Variants in SDC2 observed in about 807,000 individuals in gnomAD.
The protein encoded by SDC2 is syndecan 2, also known as syndecan-2.
A neutral mutation model predicts 22.2 loss-of-function variants in SDC2; 13 were observed. That is an observed-to-expected ratio of 0.59 (90% confidence interval 0.38 to 0.93). The LOEUF is 0.93. Ranked by LOEUF, SDC2 falls within the 40% of genes least tolerant of loss-of-function variation. The pLI is 0.00. For missense variants in SDC2, 235 were observed against 246.8 expected (o/e 0.95, Z 0.32); for synonymous variants, 94 against 92.8 (o/e 1.01, Z -0.07).
At chr8:96,503,564 A>C (rs950033436) in intron 1 of SDC2, among the ~76,000 whole-genome samples, 10 of 152,226 alleles carry the variant, frequency 6.6e-5, no homozygotes, top group Admixed American at 5.9e-4. Context: ...ATACAGGTAA[A>C]ACTAGGAAAA....
At position 96,602,536 on chromosome 8, in the gene SDC2, C is replaced by T. The variant is rs759909091; in HGVS notation, c.306+8C>T. ...ATACCTGCTCAGACAAAGGTGCGTTCTATTTTCCATTGCATTGCATTATCA... is the reference window on the plus strand; with the variant it reads ...ATACCTGCTCAGACAAAGGTGCGTTTTATTTTCCATTGCATTGCATTATCA... On this transcript the variant is annotated splice_region_variant and intron_variant, in intron 3 of 4. Transcript: ENST00000302190. The T allele has an allele frequency of 6.9e-5, 112 of 1,613,764 alleles. No individual in the cohort carries two copies. Among genetic ancestry groups the T allele is most frequent in the Non-Finnish European group, 8.8e-5 (104 of 1,179,848 alleles).
intron 1 of SDC2, among the ~76,000 whole-genome samples, chr8:96,512,635 G>A (rs895420130): frequency 1.3e-5 from 2 of 152,054 alleles, no homozygotes; most frequent in African/African-American, 4.8e-5. Context: ...AGATGTGGGG[G>A]CATTGGGGGC....
At chr8:96,591,878 C>A (rs1378083997) in intron 1 of SDC2, among the ~76,000 whole-genome samples, 1 of 152,032 alleles carries the variant, frequency 6.6e-6, no homozygotes. Context: ...GGAAGCCTTG[C>A]CTTTAAAGGA....
rs1248994373 is a variant in SDC2 at position 96,509,502 on chromosome 8, A to G, written c.60+15171A>G. 2.8e-5 allele frequency among the ~76,000 whole-genome samples: 4 copies of G among 141,614 alleles called. 1 individual carries two copies. Among genetic ancestry groups the G allele is most frequent in the East Asian group, 2.0e-4 (1 of 5,118 alleles). 92.9% of individuals were successfully genotyped at this position (141,614 alleles called of 152,430 possible). On this transcript the variant is annotated intron_variant, in intron 1 of 4. Coordinates refer to ENST00000302190, the MANE Select transcript of SDC2 (RefSeq NM_002998.4). ...AAGGAGGAGGCATTTTGGTTTCTCT[A>G]GGTTTTCCATCTGGGTAGTGGAGGG...
Position 96,553,772 on chromosome 8 carries a change from ATT to A in SDC2, c.61-39698_61-39697del, listed in dbSNP as rs5893392. On this transcript the variant is annotated intron_variant, in intron 1 of 4. Transcript: ENST00000302190. ...GTTTATTTACGATTTTTATTTAAAG[ATT>A]TTTTTTTTTGTTTTGGAGACAGGAT... Among the ~76,000 whole-genome samples the A allele has an allele frequency of 1.1e-4, 16 of 149,406 alleles. No individual in the cohort carries two copies. The South Asian group carries it at 3.2e-3, about 30-fold the overall frequency.
At position 96,610,964 on chromosome 8, in the gene SDC2, A is replaced by G. The variant is rs1815165315; in HGVS notation, c.*1416A>G. 1 of 152,692 alleles carries G rather than the reference A, an allele frequency of 6.5e-6. No individual in the cohort carries two copies. The highest frequency in any genetic ancestry group is 6.5e-5 in the Admixed American group (1 of 15,288). The allele number at this position is 152,692 out of a possible 1,614,324, so 9.5% of individuals were successfully genotyped here. A position where few individuals can be genotyped will look rare whatever the true frequency, so the allele number is the denominator to read the frequency against. ...CGCCTGCTTTTGCAAATAACTTACA[A>G]GACTGTAAATTCCAAAGATCTGAAT... On this transcript the variant is annotated 3_prime_UTR_variant, in exon 5 of 5. Transcript: ENST00000302190.
chr8:96,545,846 G>A (rs550959554), intron 1 of SDC2, among the ~76,000 whole-genome samples: 1 of 152,324 alleles, frequency 6.6e-6, no homozygotes, highest in Non-Finnish European at 1.5e-5. Flanking sequence ...CTGCTGACAA[G>A]GCAGCAGGGA....
At chr8:96,515,224 T>C (rs904533174) in intron 1 of SDC2, among the ~76,000 whole-genome samples, 4 of 152,220 alleles carry the variant, frequency 2.6e-5, no homozygotes, top group Non-Finnish European at 5.9e-5. Context: ...CCCCCTACTT[T>C]CTACTTACTG....
intron 1 of SDC2, among the ~76,000 whole-genome samples, chr8:96,590,526 T>G (rs932335691): frequency 6.6e-6 from 1 of 152,218 alleles, no homozygotes; most frequent in African/African-American, 2.4e-5. Context: ...CAAGGGAATA[T>G]TGGTGCATAA....
intron 1 of SDC2, among the ~76,000 whole-genome samples, chr8:96,516,598 T>G (rs1326709880): frequency 2.6e-5 from 4 of 152,152 alleles, no homozygotes; most frequent in Non-Finnish European, 1.5e-5. Flanking sequence ...TCCACTCACT[T>G]CAAGGCCTAG....
At chr8:96,577,192 T>C (rs993765052) in intron 1 of SDC2, among the ~76,000 whole-genome samples, 5 of 152,216 alleles carry the variant, frequency 3.3e-5, no homozygotes, top group African/African-American at 1.2e-4. Flanking sequence ...TACTTATAAC[T>C]TCCAGAAGTC....
At chr8:96,524,753 A>G (rs532084657) in intron 1 of SDC2, among the ~76,000 whole-genome samples, 1 of 152,248 alleles carries the variant, frequency 6.6e-6, no homozygotes, top group South Asian at 2.1e-4. Context: ...CCTTTCCAAT[A>G]CAAGTCAGAG....
chr8:96,505,168 A>G (rs1018493904), intron 1 of SDC2, among the ~76,000 whole-genome samples: 4 of 152,234 alleles, frequency 2.6e-5, no homozygotes, highest in African/African-American at 9.6e-5. Flanking sequence ...CCTGTCACCC[A>G]TATTTCCTGA....
chr8:96,575,073 T>G (rs771714292), intron 1 of SDC2, among the ~76,000 whole-genome samples: 13 of 152,186 alleles, frequency 8.5e-5, no homozygotes, highest in Non-Finnish European at 1.8e-4. Flanking sequence ...TAATGCTCAC[T>G]GGCGGCTCAC....
chr8:96,550,693 G>A (rs1056630690), intron 1 of SDC2, among the ~76,000 whole-genome samples: 1 of 152,110 alleles, frequency 6.6e-6, no homozygotes, highest in African/African-American at 2.4e-5. Context: ...TGCTGTATAG[G>A]CAGATTTCAT....
In SDC2 at chr8:96,611,736, A is replaced by C. The variant is rs1815179057; in HGVS notation, c.*2188A>C. 1 of 152,668 alleles carries C rather than the reference A, an allele frequency of 6.6e-6. No individual in the cohort carries two copies. The highest frequency in any genetic ancestry group is 2.4e-5 in the African/African-American group (1 of 41,462). 9.5% of individuals were successfully genotyped at this position (152,668 alleles called of 1,614,324 possible). On this transcript the variant is annotated 3_prime_UTR_variant, in exon 5 of 5. Coordinates refer to ENST00000302190, the MANE Select transcript of SDC2 (RefSeq NM_002998.4). ...ACTGCTGTAAAGCAAAATATTTGTG[A>C]AAGTGCCAAAATAAAGTCTGTCATG...
At chr8:96,494,405 G>A in intron 1 of SDC2, 74 bp downstream of exon 1, 1 of 1,432,144 alleles carries the variant, frequency 7.0e-7, no homozygotes, top group Non-Finnish European at 9.4e-7. Flanking sequence ...GCAGGGAATA[G>A]GGGAGCGCCA....
chr8:96,545,987 C>G (rs2130524688), intron 1 of SDC2, among the ~76,000 whole-genome samples: 1 of 152,316 alleles, frequency 6.6e-6, no homozygotes, highest in South Asian at 2.1e-4. Flanking sequence ...AGCGAGGCAA[C>G]AGCAGTCAGG....
At chr8:96,551,272 T>A (rs770785015) in intron 1 of SDC2, among the ~76,000 whole-genome samples, 1 of 152,182 alleles carries the variant, frequency 6.6e-6, no homozygotes, top group Non-Finnish European at 1.5e-5. Context: ...CTAAGTGGGA[T>A]TGAGAGAAAA....
Sources: allele counts gnomAD v4.1 joint callset (sites outside exome capture counted in the v4.1 genomes callset), GRCh38; gene constraint gnomAD v4.1.1; transcripts MANE v1.5; gene names NCBI Gene and HGNC (gene_info 2026-07-23, HGNC 2026-07-21).